SLC45A2: variants seen among roughly 807,000 people sequenced by gnomAD.
The protein encoded by SLC45A2 is solute carrier family 45 member 2, also known as membrane-associated transporter protein.
In SLC45A2, 36 loss-of-function variants were observed where a neutral mutation model predicts 45.5. The observed-to-expected ratio is 0.79, with a 90% CI of 0.61 to 1.04. SLC45A2 has a LOEUF of 1.04. SLC45A2 is among the 50% of genes least tolerant of loss of function. The pLI is 0.00. For missense variants in SLC45A2, 719 were observed against 671.0 expected, an observed-to-expected ratio of 1.07 and a Z score of -0.79; for synonymous variants, 306 against 269.3, an observed-to-expected ratio of 1.14 and a Z score of -1.33.
rs547747894 is a variant in SLC45A2 at position 33,963,280 on chromosome 5, C to T, written c.888+411G>A. Among the ~76,000 whole-genome samples, 3 of 152,282 alleles carry T rather than the reference C, an allele frequency of 2.0e-5. No homozygotes were observed. The East Asian group carries it at 5.8e-4, about 29-fold the overall frequency. ...AATGAACGAAAATATCCAATCAACTCATGACAGGCAAATTCGATATGCCCA... is the reference window on the plus strand; with the variant it reads ...AATGAACGAAAATATCCAATCAACTTATGACAGGCAAATTCGATATGCCCA... On this transcript the variant is annotated intron_variant, in intron 3 of 6. Transcript: ENST00000296589.
chr5:33,955,840 C>T (rs1752258010), intron 3 of SLC45A2, among the ~76,000 whole-genome samples: 1 of 151,942 alleles, frequency 6.6e-6, no homozygotes, highest in Non-Finnish European at 1.5e-5. Context: ...GAAAAGAGCC[C>T]CTAACAGAGC....
intron 5 of SLC45A2, among the ~76,000 whole-genome samples, chr5:33,947,775 C>G (rs1044835315): frequency 3.9e-5 from 6 of 152,196 alleles, no homozygotes; most frequent in Admixed American, 2.0e-4. Flanking sequence ...TAACACAGGC[C>G]TATCTTGGCC....
chr5:33,953,433 C>G (rs1752177993), intron 4 of SLC45A2, among the ~76,000 whole-genome samples: 1 of 151,260 alleles, frequency 6.6e-6, no homozygotes, highest in South Asian at 2.1e-4. Flanking sequence ...ATTTGCATTT[C>G]TCTGATGGCC....
chr5:33,971,465 G>A (rs981469546), intron 2 of SLC45A2: 2 of 402,722 alleles, frequency 5.0e-6, no homozygotes, highest in Non-Finnish European at 9.5e-6. Flanking sequence ...TGGAGACAGG[G>A]TCTCACTCTA....
chr5:33,983,109 G>A (rs1236694646), intron 1 of SLC45A2, among the ~76,000 whole-genome samples: 1 of 152,230 alleles, frequency 6.6e-6, no homozygotes, highest in South Asian at 2.1e-4. Context: ...AACGGTCTCT[G>A]CTGATGCTGA....
At chr5:33,980,478 A>C (rs1753044391) in intron 2 of SLC45A2, among the ~76,000 whole-genome samples, 1 of 152,344 alleles carries the variant, frequency 6.6e-6, no homozygotes. Flanking sequence ...TGGGAATCAC[A>C]CCACTTCCAC....
At chr5:33,952,816 T>C (rs1295189493) in intron 4 of SLC45A2, among the ~76,000 whole-genome samples, 53 of 135,390 alleles carry the variant, frequency 3.9e-4, no homozygotes, top group African/African-American at 1.4e-3. Context: ...TAGCATTAGG[T>C]ATATCTCCCA....
intron 2 of SLC45A2, among the ~76,000 whole-genome samples, chr5:33,970,648 T>C (rs1382864475): frequency 2.0e-5 from 3 of 152,210 alleles, no homozygotes; most frequent in African/African-American, 7.2e-5. Context: ...TTAGCCACTT[T>C]ACCTCTCAAC....
chr5:33,982,824 C>T (rs1375070471), intron 1 of SLC45A2, among the ~76,000 whole-genome samples: 2 of 152,192 alleles, frequency 1.3e-5, no homozygotes, highest in East Asian at 1.9e-4. Flanking sequence ...AAAAAGTATG[C>T]ATGCTTATCG....
chr5:33,950,460 C>T (rs915880864), intron 5 of SLC45A2, among the ~76,000 whole-genome samples: 9 of 152,150 alleles, frequency 5.9e-5, no homozygotes, highest in Non-Finnish European at 8.8e-5. Context: ...GTTGTTGTTA[C>T]GTGATTATTG....
Position 33,944,731 on chromosome 5 carries a change from C to T in SLC45A2, c.1510G>A (p.Val504Ile), listed in dbSNP as rs149233226. 98 of 1,614,258 alleles carry T rather than the reference C, an allele frequency of 6.1e-5. No individual in the cohort carries two copies. The African/African-American group carries it at 1.1e-3, about 17-fold the overall frequency. The change falls in exon 7 of 7, where the codon GTT becomes ATT. Residue 504 changes from valine (V) to isoleucine (I), a missense_variant. Physicochemically the swap from Val to Ile is conservative, Grantham distance 29. Coordinates refer to ENST00000296589, the MANE Select transcript of SLC45A2 (RefSeq NM_016180.5). ...GACGCTGTGATCACCACGACGACAACGGTCCCGGCTGTGTTGACCAGAAAG... is the reference window on the plus strand; with the variant it reads ...GACGCTGTGATCACCACGACGACAATGGTCCCGGCTGTGTTGACCAGAAAG... The part of the protein sequence containing the change: ...LGFLVNTAGT[V>I]VVVVITASAV...
rs1752528211 is a variant in SLC45A2 at position 33,964,000 on chromosome 5, C to T, written c.579G>A (p.Leu193=). ...HALFTGFGGA[L]GYLLGAIDWA... is the part of the protein sequence containing the mutation. Reference sequence around the variant, plus strand: ...AGTCTATAGCACCCAAAAGGTAACCCAGGGCACCTCCAAAACCTGGAAAGC... The same window carrying T: ...AGTCTATAGCACCCAAAAGGTAACCTAGGGCACCTCCAAAACCTGGAAAGC... The change falls in exon 3 of 7, where the codon CTG becomes CTA. Residue 193 remains leucine, a synonymous_variant. Transcript: ENST00000296589. 1.2e-6 allele frequency: 2 copies of T among 1,613,820 alleles called. No homozygotes were observed. The highest frequency in any genetic ancestry group is 2.7e-5 in the African/African-American group (2 of 74,938).
chr5:33,966,299 A>G (rs1296647862), intron 2 of SLC45A2, among the ~76,000 whole-genome samples: 1 of 152,218 alleles, frequency 6.6e-6, no homozygotes. Context: ...CATGTATCGA[A>G]CACTAAATAT....
intron 4 of SLC45A2, among the ~76,000 whole-genome samples, chr5:33,952,509 G>A (rs1752139754): frequency 6.6e-6 from 1 of 151,614 alleles, no homozygotes; most frequent in African/African-American, 2.4e-5. Flanking sequence ...GAAATTAGAG[G>A]TCTCTGTAGT....
chr5:33,954,960 T>C (rs1227216196), intron 3 of SLC45A2, among the ~76,000 whole-genome samples: 2 of 152,218 alleles, frequency 1.3e-5, no homozygotes, highest in Non-Finnish European at 2.9e-5. Flanking sequence ...GATTATGTGC[T>C]GTTACATGGC....
At chr5:33,970,936 T>C (rs1461164171) in intron 2 of SLC45A2, 5 of 430,982 alleles carry the variant, frequency 1.2e-5, no homozygotes, top group East Asian at 6.6e-5. Context: ...ATGGGCACCA[T>C]CTTAAGGAGC....
intron 3 of SLC45A2, 25 bp downstream of exon 3, chr5:33,963,666 T>G (rs2111960990): frequency 6.2e-7 from 1 of 1,609,064 alleles, no homozygotes; most frequent in East Asian, 2.2e-5. Context: ...TTTTCCCTTG[T>G]AAAGAAAAAA....
At chr5:33,982,047 A>G (rs752023023) in intron 2 of SLC45A2, among the ~76,000 whole-genome samples, 189 bp downstream of exon 2, 2 of 152,248 alleles carry the variant, frequency 1.3e-5, no homozygotes, top group African/African-American at 4.8e-5. Flanking sequence ...CTTTGCAGAA[A>G]CTGCAGCACT....
At chr5:33,953,224 T>C (rs1752170244) in intron 4 of SLC45A2, among the ~76,000 whole-genome samples, 1 of 142,976 alleles carries the variant, frequency 7.0e-6, no homozygotes, top group Non-Finnish European at 1.5e-5. Flanking sequence ...ATGGGATGGC[T>C]GGGTCAAATG....
Sources: gnomAD v4.1 joint callset for allele counts (sites outside exome capture counted in the v4.1 genomes callset) on GRCh38, gnomAD v4.1.1 for gene constraint, MANE v1.5 for transcripts, NCBI Gene and HGNC (gene_info 2026-07-23, HGNC 2026-07-21) for gene names.